LRRC75A: variants seen among roughly 807,000 people sequenced by gnomAD.
The protein encoded by LRRC75A is leucine-rich repeat-containing protein 75A.
LRRC75A carries 12 observed loss-of-function variants against 26.0 expected under a neutral mutation model. The observed-to-expected ratio is 0.46, with a 90% CI of 0.30 to 0.75. The LOEUF is 0.75. Among genes scored for constraint, LRRC75A ranks in the 30% least tolerant of loss-of-function variants. The pLI is 0.08. For synonymous variants in LRRC75A, 223 were observed against 219.3 expected (o/e 1.02, Z -0.15); for missense variants, 410 against 486.6 (o/e 0.84, Z 1.48).
At chr17:16,456,166 GGAGGGGT>G in intron 2 of LRRC75A, among the ~76,000 whole-genome samples, 2 of 120,830 alleles carry the variant, frequency 1.7e-5, no homozygotes, top group African/African-American at 6.7e-5. Flanking sequence ...AGGAGGAAGA[GGAGGGGT>G]AGGAGGAGGA....
At chr17:16,465,343 T>A (rs1380929162) in intron 1 of LRRC75A, among the ~76,000 whole-genome samples, 2 of 152,176 alleles carry the variant, frequency 1.3e-5, no homozygotes, top group Non-Finnish European at 2.9e-5. Context: ...GCAAGAGACT[T>A]CCCTCTTGGG....
At chr17:16,483,759 A>C (rs374116908) in intron 1 of LRRC75A, among the ~76,000 whole-genome samples, 1 of 152,078 alleles carries the variant, frequency 6.6e-6, no homozygotes, top group East Asian at 1.9e-4. Context: ...CACGCTGCGC[A>C]CCTGTACTGG....
At chr17:16,476,378 A>T (rs2159338) in intron 1 of LRRC75A, among the ~76,000 whole-genome samples, 84,962 of 148,750 alleles carry the variant, frequency 0.57, 26,093 homozygotes, top group East Asian at 0.82. Flanking sequence ...AAAAAAAAAA[A>T]TTTTTTTTTT....
At chr17:16,451,894 G>A (rs912706145) in intron 2 of LRRC75A, among the ~76,000 whole-genome samples, 7 of 149,336 alleles carry the variant, frequency 4.7e-5, no homozygotes, top group Admixed American at 6.7e-5. Flanking sequence ...ACAGGCGCCC[G>A]CCAACATGCC....
At chr17:16,467,610 A>G (rs2093779443) in intron 1 of LRRC75A, among the ~76,000 whole-genome samples, 1 of 152,230 alleles carries the variant, frequency 6.6e-6, no homozygotes, top group Non-Finnish European at 1.5e-5. Context: ...CTGGCTCAAC[A>G]GAAACTCCCT....
intron 1 of LRRC75A, among the ~76,000 whole-genome samples, chr17:16,470,096 G>A (rs944036763): frequency 1.3e-5 from 2 of 152,096 alleles, no homozygotes; most frequent in Admixed American, 1.3e-4. Flanking sequence ...ACCTGTCTTT[G>A]TTTCCAGTGT....
chr17:16,480,872 T>G (rs1323417964), intron 1 of LRRC75A, among the ~76,000 whole-genome samples: 2 of 152,202 alleles, frequency 1.3e-5, no homozygotes, highest in Admixed American at 6.5e-5. Context: ...AGTTTTTCAC[T>G]GGGACAGACC....
chr17:16,457,758 GA>G (rs1054533227), intron 2 of LRRC75A, among the ~76,000 whole-genome samples: 2 of 152,038 alleles, frequency 1.3e-5, no homozygotes, highest in Non-Finnish European at 2.9e-5. Flanking sequence ...TTGAGGCCAG[GA>G]GTTTGAGACC....
At chr17:16,486,446 T>C (rs1161629274) in intron 1 of LRRC75A, among the ~76,000 whole-genome samples, 1 of 152,142 alleles carries the variant, frequency 6.6e-6, no homozygotes, top group Non-Finnish European at 1.5e-5. Context: ...TGGAAACCAA[T>C]GAAGCAGGCT....
intron 2 of LRRC75A, among the ~76,000 whole-genome samples, chr17:16,456,123 AGTAGTAG>A (rs1411896075): frequency 4.1e-4 from 57 of 139,164 alleles, no homozygotes; most frequent in African/African-American, 1.5e-3. Flanking sequence ...GAGGAGTAGC[AGTAGTAG>A]GAGGAGGAGG....
chr17:16,491,602 G>T lies in LRRC75A; in HGVS notation c.246+143C>A. On this transcript the variant is annotated intron_variant, in intron 1 of 3. Transcript: ENST00000470794. The surrounding 1 kb of genome is among the most constrained non-coding windows in gnomAD (Gnocchi z 5.9). ...GGAAGCGCCGAGGCACCTGCTGCCA[G>T]ACAGGGCTCCATCCCCGCGGAAGGG... 1.9e-6 allele frequency: 1 copy of T among 522,836 alleles called. No homozygotes were observed. Among genetic ancestry groups the T allele is most frequent in the Non-Finnish European group, 2.9e-6 (1 of 348,034 alleles). The allele number at this position is 522,836 out of a possible 1,614,324, so 32.4% of individuals were successfully genotyped here. A position where few individuals can be genotyped will look rare whatever the true frequency, so the allele number is the denominator to read the frequency against.
rs1252794061 is a variant in LRRC75A, at chr17:16,442,122, C to T, written c.*1466G>A. On this transcript the variant is annotated 3_prime_UTR_variant, in exon 4 of 4. Transcript: ENST00000470794. Reference sequence around the variant, plus strand: ...AGCTTGTAAACTTCCCTGTGGTCAGCCTAAGCTCTTAACCCCCTATTCTAC... The same window carrying T: ...AGCTTGTAAACTTCCCTGTGGTCAGTCTAAGCTCTTAACCCCCTATTCTAC... 6.6e-6 allele frequency: 1 copy of T among 152,336 alleles called. No homozygotes were observed. Among genetic ancestry groups the T allele is most frequent in the East Asian group, 1.9e-4 (1 of 5,194 alleles). The allele number at this position is 152,336 out of a possible 1,614,324, so 9.4% of individuals were successfully genotyped here.
At chr17:16,490,535 C>T (rs1387641949) in intron 1 of LRRC75A, among the ~76,000 whole-genome samples, 3 of 152,106 alleles carry the variant, frequency 2.0e-5, no homozygotes, top group Non-Finnish European at 4.4e-5. Flanking sequence ...CAAGTCCCCT[C>T]GTCTCTGCTT....
intron 2 of LRRC75A, among the ~76,000 whole-genome samples, chr17:16,456,098 G>GTA (rs1568960237): frequency 6.8e-6 from 1 of 146,152 alleles, no homozygotes; most frequent in Non-Finnish European, 1.5e-5. Flanking sequence ...GGAGGAGGAA[G>GTA]GGGAGGGGGA....
intron 3 of LRRC75A, among the ~76,000 whole-genome samples, chr17:16,445,119 G>T (rs576776988): frequency 6.8e-6 from 1 of 146,938 alleles, no homozygotes; most frequent in South Asian, 2.2e-4. Flanking sequence ...AAAGCATTGG[G>T]ATTACAGGCA....
At position 16,462,067 on chromosome 17, in the gene LRRC75A, C is replaced by G. The variant is rs1212037886; in HGVS notation, c.375+191G>C. The stretch of plus-strand genomic sequence containing the variant: ...TTAAATGTTGGCAATGAATTCACCC[C>G]CTGGGCCAAACAAAACCAATCTGTG... On this transcript the variant is annotated intron_variant, in intron 2 of 3. Coordinates refer to ENST00000470794, the MANE Select transcript of LRRC75A (RefSeq NM_001113567.3). The surrounding 1 kb of genome is among the most constrained non-coding windows in gnomAD (Gnocchi z 4.6). Among the ~76,000 whole-genome samples the G allele has an allele frequency of 6.6e-6, 1 of 152,144 alleles. No homozygotes were observed. Among genetic ancestry groups the G allele is most frequent in the African/African-American group, 2.4e-5 (1 of 41,430 alleles).
At position 16,484,336 on chromosome 17, in the gene LRRC75A, A is replaced by AAAAC. The variant is rs564375387; in HGVS notation, c.246+7405_246+7408dup. ...GGCGACAGAGCGAGACTCCGTCTCA[A>AAAAC]AAACAAACAAACAAACAAACAAACA... On this transcript the variant is annotated intron_variant, in intron 1 of 3. Transcript: ENST00000470794. Among the ~76,000 whole-genome samples the AAAAC allele has an allele frequency of 8.3e-4, 126 of 151,236 alleles. No homozygotes were observed. The Middle Eastern group carries it at 0.01, about 12-fold the overall frequency.
At position 16,491,709 on chromosome 17, in the gene LRRC75A, C is replaced by G. The variant is rs1485017763; in HGVS notation, c.246+36G>C. The G allele has an allele frequency of 1.7e-5, 22 of 1,286,518 alleles. No homozygotes were observed. The highest frequency in any genetic ancestry group is 4.2e-5 in the Admixed American group (1 of 23,612). The allele number at this position is 1,286,518 out of a possible 1,614,324, so 79.7% of individuals were successfully genotyped here. On this transcript the variant is annotated intron_variant, in intron 1 of 3. Transcript: ENST00000470794. This position sits in a 1 kb window ranked among gnomAD's most constrained non-coding sequence, Gnocchi z 5.9. ...CCCCCCGGCCCAGCACGCCCCCTGG[C>G]CCGGCGCGCCCCCCGCGCCCCCTCC...
intron 1 of LRRC75A, among the ~76,000 whole-genome samples, chr17:16,471,159 G>A (rs1448685282): frequency 6.6e-6 from 1 of 152,186 alleles, no homozygotes; most frequent in Non-Finnish European, 1.5e-5. Context: ...CAAAACAAGT[G>A]TTCTTACAAG....
Sources: gnomAD v4.1 joint callset for allele counts (sites outside exome capture counted in the v4.1 genomes callset) on GRCh38, gnomAD v4.1.1 for gene constraint, Gnocchi (gnomAD v3.1) non-coding constraint, MANE v1.5 for transcripts, NCBI Gene and HGNC (gene_info 2026-07-23, HGNC 2026-07-21) for gene names.